Variants in ENO4 observed in about 807,000 individuals in gnomAD.
ENO4 encodes enolase 4.
In ENO4, 53 loss-of-function variants were observed where a neutral mutation model predicts 63.2. That is an observed-to-expected ratio of 0.84 (90% confidence interval 0.67 to 1.05). ENO4 has a LOEUF of 1.05. ENO4 is among the 50% of genes least tolerant of loss of function. ENO4 has a pLI of 0.00. For synonymous variants in ENO4, 266 were observed against 283.8 expected, an observed-to-expected ratio of 0.94 and a Z score of 0.63; for missense variants, 719 against 772.0, an observed-to-expected ratio of 0.93 and a Z score of 0.81.
At chr10:116,868,786 C>T in intron 8 of ENO4, 80 bp downstream of exon 8, 1 of 1,302,784 alleles carries the variant, frequency 7.7e-7, no homozygotes, top group Non-Finnish European at 1.1e-6. Flanking sequence ...TCCATAGTCA[C>T]TTTTTGCTCC....
chr10:116,899,506 G>GGCGTGTGTGTGTGTGTGTGTGT (rs1554906586), intron 10 of ENO4, among the ~76,000 whole-genome samples: 2 of 124,582 alleles, frequency 1.6e-5, no homozygotes, highest in African/African-American at 5.9e-5. Flanking sequence ...GGCTGGGGCT[G>GGCGTGTGTGTGTGTGTGTGTGT]GTGTGTGTGT....
At chr10:116,897,603 T>C (rs1847568376) in intron 10 of ENO4, among the ~76,000 whole-genome samples, 2 of 152,228 alleles carry the variant, frequency 1.3e-5, no homozygotes, top group African/African-American at 4.8e-5. Context: ...CCCAGCAATA[T>C]AATTGTAAGA....
chr10:116,872,913 A>G (rs531763749), intron 9 of ENO4, among the ~76,000 whole-genome samples: 22 of 152,352 alleles, frequency 1.4e-4, no homozygotes, highest in African/African-American at 5.3e-4. Context: ...AACTAAGCAC[A>G]TAAAAGAATA....
downstream of ENO4, among the ~76,000 whole-genome samples, chr10:116,887,155 GA>G (rs1395612131): frequency 6.6e-6 from 1 of 152,206 alleles, no homozygotes; most frequent in Non-Finnish European, 1.5e-5. Context: ...AGCCAGAGTA[GA>G]AGCTAAAATG....
Position 116,849,673 on chromosome 10 carries a change from T to A in ENO4, c.107T>A (p.Leu36Gln). The A allele has an allele frequency of 6.5e-7, 1 of 1,549,752 alleles. No homozygotes were observed. The highest frequency in any genetic ancestry group is 8.7e-7 in the Non-Finnish European group (1 of 1,146,622). ...YYRENDVPRRLEELLNSTFYL... is the reference protein window; with the variant it reads ...YYRENDVPRRQEELLNSTFYL... ...CGGGAGAACGACGTTCCGCGCAGGC[T>A]GGAAGAGCTGCTCAACTCCACCTTC... The change falls in exon 1 of 14, where the codon CTG becomes CAG. Residue 36 changes from leucine (L) to glutamine (Q), a missense_variant. Coordinates refer to ENST00000341276, the MANE Select transcript of ENO4 (RefSeq NM_001242699.2).
intron 13 of ENO4, 150 bp downstream of exon 13, chr10:116,880,136 A>G (rs576371882): frequency 1.4e-5 from 8 of 587,036 alleles, no homozygotes; most frequent in African/African-American, 9.5e-5. Context: ...CACTTGCCAC[A>G]ATGTATATTG....
chr10:116,874,408 A>T (rs1229524086), intron 10 of ENO4, among the ~76,000 whole-genome samples: 1 of 152,198 alleles, frequency 6.6e-6, no homozygotes, highest in Non-Finnish European at 1.5e-5. Flanking sequence ...GAGAAAAGGC[A>T]CTTACTAAGC....
chr10:116,866,208 G>A (rs750498685), intron 7 of ENO4, among the ~76,000 whole-genome samples: 10 of 152,180 alleles, frequency 6.6e-5, no homozygotes, highest in Non-Finnish European at 1.2e-4. Flanking sequence ...GTGAAGCAGG[G>A]ATCACATTTC....
At chr10:116,886,386 GTCT>G, downstream of ENO4, 1 of 1,566,592 alleles carries the variant, frequency 6.4e-7, no homozygotes, top group Non-Finnish European at 8.7e-7. Flanking sequence ...TTTCAATGCT[GTCT>G]TCTTTGTTTT....
chr10:116,902,738 G>T (rs1434440970), intron 10 of ENO4, among the ~76,000 whole-genome samples: 2 of 152,170 alleles, frequency 1.3e-5, no homozygotes, highest in Non-Finnish European at 2.9e-5. Context: ...TTAAAACAAA[G>T]ATAAGTCACA....
intron 10 of ENO4, among the ~76,000 whole-genome samples, chr10:116,890,966 A>G (rs1172156994): frequency 1.3e-5 from 2 of 152,240 alleles, no homozygotes; most frequent in Non-Finnish European, 2.9e-5. Flanking sequence ...CCACGTTCCA[A>G]CTATATTCAA....
downstream of ENO4, chr10:116,885,261 T>G (rs1847130458): frequency 6.5e-6 from 1 of 152,688 alleles, no homozygotes; most frequent in Non-Finnish European, 1.5e-5. Context: ...TTACCATTAC[T>G]GAATCATTGT....
At chr10:116,910,391 A>C (rs970771321) in intron 10 of ENO4, among the ~76,000 whole-genome samples, 1 of 152,226 alleles carries the variant, frequency 6.6e-6, no homozygotes, top group Non-Finnish European at 1.5e-5. Flanking sequence ...GATGTCTTAA[A>C]ATTTTTTATA....
chr10:116,907,847 T>C lies in ENO4; in HGVS notation c.1195-3652T>C, dbSNP rs1848034602. 7.8e-6 allele frequency: 4 copies of C among 515,290 alleles called. No individual in the cohort carries two copies. The Admixed American group carries it at 7.8e-5, about 10-fold the overall frequency. The allele number at this position is 515,290 out of a possible 1,614,324, so 31.9% of individuals were successfully genotyped here. A position where few individuals can be genotyped will look rare whatever the true frequency, so the allele number is the denominator to read the frequency against. ...CTTTTGTCCACCAAGGCTAATAATC[T>C]TGCCAGCCTTTGTAATGTTTGAACT... On this transcript the variant is annotated intron_variant, in intron 10 of 10. Coordinates refer to the ENO4 transcript ENST00000369207.
rs775111356 is a variant in ENO4 at position 116,906,783 on chromosome 10, T to A, written c.1195-4716T>A. On this transcript the variant is annotated intron_variant, in intron 10 of 10. Coordinates refer to the ENO4 transcript ENST00000369207. ...AACAAAACAAAAACAAAAAGGTTAA[T>A]GTCTTAATACAATATACAAAAGAAT... The A allele has an allele frequency of 1.0e-5, 16 of 1,567,792 alleles. 1 individual carries two copies. The South Asian group carries it at 1.7e-4, about 17-fold the overall frequency.
chr10:116,900,569 T>G, intron 10 of ENO4: 4 of 1,534,734 alleles, frequency 2.6e-6, no homozygotes, highest in Non-Finnish European at 3.5e-6. Flanking sequence ...GAGAAAAATC[T>G]ATACACACAC....
intron 10 of ENO4, among the ~76,000 whole-genome samples, chr10:116,891,742 A>G (rs953238180): frequency 3.3e-5 from 5 of 151,966 alleles, no homozygotes; most frequent in African/African-American, 9.7e-5. Context: ...AAAACTTCAC[A>G]AATTTTTAAT....
At chr10:116,879,478 T>C (rs1846935952) in intron 12 of ENO4, 120 bp downstream of exon 12, 1 of 731,804 alleles carries the variant, frequency 1.4e-6, no homozygotes, top group East Asian at 2.8e-5. Context: ...ACTTGCTTCC[T>C]CCCAGATAGC....
At chr10:116,878,994 T>C (rs529281250) in intron 11 of ENO4, among the ~76,000 whole-genome samples, 18 of 152,172 alleles carry the variant, frequency 1.2e-4, no homozygotes, top group Admixed American at 9.2e-4. Flanking sequence ...CCACCTGCCT[T>C]GGCCTCCCAA....
Sources: gnomAD v4.1 joint callset for allele counts (sites outside exome capture counted in the v4.1 genomes callset) on GRCh38, gnomAD v4.1.1 for gene constraint, MANE v1.5 for transcripts, NCBI Gene and HGNC (gene_info 2026-07-23, HGNC 2026-07-21) for gene names.